Variants in FBXO9 observed in about 807,000 individuals in gnomAD.
The protein encoded by FBXO9 is F-box only protein 9.
A neutral mutation model predicts 63.7 loss-of-function variants in FBXO9; 43 were observed. The observed-to-expected ratio is 0.67, with a 90% confidence interval of 0.53 to 0.87. The LOEUF (loss-of-function observed/expected upper bound fraction) is 0.87. Among genes scored for constraint, FBXO9 ranks in the 40% least tolerant of loss-of-function variants. The probability of loss-of-function intolerance (pLI) is 0.00; values close to 1 mark genes in which losing one functional copy is unlikely to be tolerated. For synonymous variants in FBXO9, 156 were observed against 171.7 expected, an observed-to-expected ratio of 0.91 and a Z score of 0.72; for missense variants, 442 against 533.2, an observed-to-expected ratio of 0.83 and a Z score of 1.68.
intron 7 of FBXO9, chr6:53,092,105 A>G (rs1763055473): frequency 2.8e-5 from 7 of 247,462 alleles, no homozygotes; most frequent in Non-Finnish European, 5.5e-5. Flanking sequence ...TGCCTGAGAT[A>G]CTTATCCCCA....
At chr6:53,068,426 A>C (rs908102772) in intron 1 of FBXO9, among the ~76,000 whole-genome samples, 2 of 152,198 alleles carry the variant, frequency 1.3e-5, no homozygotes, top group African/African-American at 2.4e-5. Flanking sequence ...CAGTAATTCC[A>C]GTCTAGCTTT....
intron 3 of FBXO9, among the ~76,000 whole-genome samples, chr6:53,075,393 G>C (rs1456457758): frequency 6.6e-6 from 1 of 151,126 alleles, no homozygotes; most frequent in Non-Finnish European, 1.5e-5. Flanking sequence ...ATCTAGCTGG[G>C]TGCGGTGGCT....
At chr6:53,066,258 C>T (rs1768695090) in intron 1 of FBXO9, 6 of 471,846 alleles carry the variant, frequency 1.3e-5, no homozygotes, top group South Asian at 8.9e-5. Context: ...CCTGCCGGCA[C>T]CTTGAGGAGC....
intron 7 of FBXO9, among the ~76,000 whole-genome samples, chr6:53,087,036 A>AAACAACAAC (rs200987070): frequency 6.6e-6 from 1 of 151,948 alleles, no homozygotes; most frequent in African/African-American, 2.4e-5. Context: ...CCTGTCTCAA[A>AAACAACAAC]AACAACAACA....
rs548543579 is a variant in FBXO9 at position 53,094,148 on chromosome 6, ATGT to A, written c.1053+175_1053+177del. On this transcript the variant is annotated intron_variant, in intron 11 of 12. Transcript: ENST00000323557. ...GAAGAAAGCTGGAGAGTTTTCTAAA[ATGT>A]TGTTATTTTTTATTGGATCAGCTTT... 2.4e-3 allele frequency among the ~76,000 whole-genome samples: 360 copies of A among 152,290 alleles called. 2 individuals carry two copies. The highest frequency in any genetic ancestry group is 8.1e-3 in the African/African-American group (338 of 41,574).
chr6:53,077,206 G>C (rs980955287), intron 4 of FBXO9, among the ~76,000 whole-genome samples: 10 of 152,138 alleles, frequency 6.6e-5, no homozygotes, highest in Middle Eastern at 3.4e-3. Flanking sequence ...CGGGCGCGGT[G>C]GCTCACGCCT....
Position 53,065,520 on chromosome 6 carries a change from A to G in FBXO9, c.-270A>G. Reference sequence around the variant, plus strand: ...CGCACAATCCCCCGCCTCGGCTGGCAACGGGCGTCCCTCCACTCCCCGAGT... The same window carrying G: ...CGCACAATCCCCCGCCTCGGCTGGCGACGGGCGTCCCTCCACTCCCCGAGT... On this transcript the variant is annotated 5_prime_UTR_variant, in exon 1 of 13. Transcript: ENST00000323557. 1 of 387,176 alleles carries G rather than the reference A, an allele frequency of 2.6e-6. No individual in the cohort carries two copies. Among genetic ancestry groups the G allele is most frequent in the Non-Finnish European group, 4.6e-6 (1 of 218,312 alleles). The allele number at this position is 387,176 out of a possible 1,614,324, so 24.0% of individuals were successfully genotyped here.
At chr6:53,077,491 A>G (rs1335228196) in intron 4 of FBXO9, among the ~76,000 whole-genome samples, 8 of 151,174 alleles carry the variant, frequency 5.3e-5, no homozygotes, top group Admixed American at 4.6e-4. Flanking sequence ...AAAAAAAAAA[A>G]AAAAAAAAAG....
At position 53,097,834 on chromosome 6, in the gene FBXO9, C is replaced by T. The variant is rs756588737; in HGVS notation, c.*4C>T. ...TTTCTCAGAAAGGCCTCTGTAGAGC[C>T]TCAAGTCCAGTCCTCTATCACTTTT... On this transcript the variant is annotated 3_prime_UTR_variant, in exon 13 of 13. Transcript: ENST00000323557. 1.3e-6 allele frequency: 2 copies of T among 1,574,332 alleles called. No homozygotes were observed. The highest frequency in any genetic ancestry group is 2.3e-5 in the South Asian group (2 of 88,316).
chr6:53,077,589 T>C (rs1312654760), intron 4 of FBXO9, among the ~76,000 whole-genome samples: 1 of 152,086 alleles, frequency 6.6e-6, no homozygotes, highest in Non-Finnish European at 1.5e-5. Context: ...ATTTGCCATA[T>C]TAGGTTTGTA....
At chr6:53,083,347 A>G (rs222439) in intron 7 of FBXO9, among the ~76,000 whole-genome samples, 110,157 of 152,114 alleles carry the variant, frequency 0.72, 41,129 homozygotes, top group South Asian at 0.87. Context: ...ACAAGTACCT[A>G]TTAAACACCT....
At chr6:53,066,216 C>T (rs1768693174) in intron 1 of FBXO9, 1 of 925,858 alleles carries the variant, frequency 1.1e-6, no homozygotes, top group Non-Finnish European at 1.3e-6. Flanking sequence ...GTTGATTGCT[C>T]TTCTGCGGAA....
At chr6:53,093,241 A>G (rs1206114164) in intron 9 of FBXO9, 4 of 441,834 alleles carry the variant, frequency 9.1e-6, no homozygotes, top group African/African-American at 6.1e-5. Context: ...GTAAAACTTA[A>G]AAGTTCAACA....
chr6:53,076,472 T>G lies in FBXO9; in HGVS notation c.250-14T>G. On this transcript the variant is annotated splice_polypyrimidine_tract_variant and intron_variant, in intron 3 of 12. Coordinates refer to ENST00000323557, the MANE Select transcript of FBXO9 (RefSeq NM_033480.3). ...ATGCAGGTTTTCAAAAATTTTTACT[T>G]TATATTTTTATAGGCTCGAGAACTC... 1 of 1,517,668 alleles carries G rather than the reference T, an allele frequency of 6.6e-7. No homozygotes were observed. Among genetic ancestry groups the G allele is most frequent in the Non-Finnish European group, 8.8e-7 (1 of 1,138,532 alleles). The allele number at this position is 1,517,668 out of a possible 1,614,324, so 94.0% of individuals were successfully genotyped here.
At chr6:53,078,341 C>G (rs915515445) in intron 4 of FBXO9, among the ~76,000 whole-genome samples, 3 of 152,058 alleles carry the variant, frequency 2.0e-5, no homozygotes, top group African/African-American at 7.2e-5. Context: ...GCCTGTAGCC[C>G]CAGCTACTCA....
intron 6 of FBXO9, among the ~76,000 whole-genome samples, chr6:53,082,162 T>C (rs909126768): frequency 6.6e-6 from 1 of 152,156 alleles, no homozygotes; most frequent in South Asian, 2.1e-4. Context: ...TTCAAGGAGA[T>C]GAAAATAACT....
At chr6:53,092,649 G>A (rs1763075666) in intron 8 of FBXO9, 85 bp from the exon 9 acceptor site, 2 of 1,393,736 alleles carry the variant, frequency 1.4e-6, no homozygotes, top group South Asian at 2.4e-5. Context: ...AGTACTGTAA[G>A]CATGTTTAAA....
chr6:53,094,994 C>T (rs189791065), intron 11 of FBXO9, among the ~76,000 whole-genome samples: 4 of 152,286 alleles, frequency 2.6e-5, no homozygotes, highest in African/African-American at 9.6e-5. Context: ...GCAGTATTTG[C>T]AGAAGTGTAA....
chr6:53,096,365 C>T (rs578244456), intron 12 of FBXO9, among the ~76,000 whole-genome samples: 59 of 152,274 alleles, frequency 3.9e-4, no homozygotes, highest in African/African-American at 1.3e-3. Flanking sequence ...GAAGGCTCTT[C>T]GTTCTGCTTG....
Sources: allele counts gnomAD v4.1 joint callset (sites outside exome capture counted in the v4.1 genomes callset), GRCh38; gene constraint gnomAD v4.1.1; transcripts MANE v1.5; gene names NCBI Gene and HGNC (gene_info 2026-07-23, HGNC 2026-07-21).